TANC1: variants seen among roughly 807,000 people sequenced by gnomAD.
TANC1 encodes the protein protein TANC1.
Under a neutral mutation model 149.7 loss-of-function variants are expected in TANC1, and 77 were observed. The observed-to-expected ratio is 0.51, with a 90% CI of 0.43 to 0.62. The LOEUF is 0.62. Ranked by LOEUF, TANC1 falls within the 20% of genes least tolerant of loss-of-function variation. The pLI is 0.00. For synonymous variants in TANC1, 854 were observed against 925.0 expected, an observed-to-expected ratio of 0.92 and a Z score of 1.39; for missense variants, 1,985 against 2,321.8, an observed-to-expected ratio of 0.85 and a Z score of 2.98.
At chr2:159,010,458 A>G (rs970010500) in intron 2 of TANC1, among the ~76,000 whole-genome samples, 1 of 152,212 alleles carries the variant, frequency 6.6e-6, no homozygotes, top group South Asian at 2.1e-4. Context: ...TGCTGATTCT[A>G]GATGCATTAC....
intron 2 of TANC1, among the ~76,000 whole-genome samples, chr2:159,010,942 A>C (rs1163907175): frequency 6.6e-6 from 1 of 152,046 alleles, no homozygotes; most frequent in African/African-American, 2.4e-5. Flanking sequence ...TTGTCGCCCA[A>C]GCTGGGGTTG....
At chr2:159,099,765 C>A (rs1159246098) in intron 4 of TANC1, among the ~76,000 whole-genome samples, 2 of 151,818 alleles carry the variant, frequency 1.3e-5, no homozygotes, top group Non-Finnish European at 2.9e-5. Context: ...CTTCCTACCC[C>A]TGATGTTGCC....
chr2:159,128,203 C>G (rs1315304000), intron 4 of TANC1, among the ~76,000 whole-genome samples: 1 of 152,228 alleles, frequency 6.6e-6, no homozygotes, highest in African/African-American at 2.4e-5. Flanking sequence ...TCAAATCACA[C>G]TGATCTTTTG....
chr2:159,005,290 A>G (rs2037048914), intron 2 of TANC1, among the ~76,000 whole-genome samples: 3 of 152,150 alleles, frequency 2.0e-5, no homozygotes, highest in Admixed American at 1.3e-4. Context: ...GTTTTAGAGG[A>G]GGCTTGAATA....
At chr2:159,228,724 C>A in intron 25 of TANC1, 72 bp from the exon 26 acceptor site, 1 of 1,153,466 alleles carries the variant, frequency 8.7e-7, no homozygotes, top group Non-Finnish European at 1.3e-6. Flanking sequence ...CCCTTTAGAA[C>A]AAAACTAGAC....
chr2:159,219,945 C>A, intron 22 of TANC1, 78 bp downstream of exon 22: 1 of 1,409,570 alleles, frequency 7.1e-7, no homozygotes, highest in South Asian at 1.2e-5. Context: ...AATCCAGGGC[C>A]TGCATGAGGT....
At position 159,230,108 on chromosome 2, in the gene TANC1, C is replaced by G; in HGVS notation, c.4682C>G (p.Pro1561Arg). Residue 1561 changes from proline (P) to arginine (R), a missense_variant, in exon 27 of 27, where the codon CCT becomes CGT. Physicochemically the swap from Pro to Arg is moderately radical, Grantham distance 103 (BLOSUM62 -2). This residue lies in a region of TANC1 where 920 missense variants were observed against 994.7 expected (regional missense o/e 0.92). Coordinates refer to ENST00000263635, the MANE Select transcript of TANC1 (RefSeq NM_033394.3). This position sits in a 1 kb window ranked among gnomAD's most constrained non-coding sequence, Gnocchi z 4.4. Reference protein sequence around the residue: ...SMKVQISSQNPPPSPMPGRIA... With the variant: ...SMKVQISSQNRPPSPMPGRIA... ...AAAGTTCAGATCTCTTCTCAGAACCCTCCTCCAAGTCCCATGCCAGGGAGA... is the reference window on the plus strand; with the variant it reads ...AAAGTTCAGATCTCTTCTCAGAACCGTCCTCCAAGTCCCATGCCAGGGAGA... 2 of 1,614,008 alleles carry G rather than the reference C, an allele frequency of 1.2e-6. No homozygotes were observed. Among genetic ancestry groups the G allele is most frequent in the East Asian group, 4.5e-5 (2 of 44,862 alleles).
At chr2:159,195,809 G>T (rs925718080) in intron 17 of TANC1, among the ~76,000 whole-genome samples, 4 of 152,230 alleles carry the variant, frequency 2.6e-5, no homozygotes, top group African/African-American at 4.8e-5. Flanking sequence ...AAGCTCTGGA[G>T]TAGGAGGCTG....
At chr2:159,099,291 G>A (rs1045737286) in intron 4 of TANC1, among the ~76,000 whole-genome samples, 1 of 152,072 alleles carries the variant, frequency 6.6e-6, no homozygotes, top group Non-Finnish European at 1.5e-5. Flanking sequence ...TGGAATGTCC[G>A]TCCTTCCTTC....
chr2:158,981,544 A>ATATATATAT (rs1559096628), intron 1 of TANC1, among the ~76,000 whole-genome samples: 1 of 84,694 alleles, frequency 1.2e-5, no homozygotes, highest in Non-Finnish European at 2.6e-5. Flanking sequence ...TATATATATA[A>ATATATATAT]AGAAGTAACA....
At chr2:159,014,525 C>T (rs2038075318) in intron 2 of TANC1, among the ~76,000 whole-genome samples, 1 of 152,180 alleles carries the variant, frequency 6.6e-6, no homozygotes, top group Non-Finnish European at 1.5e-5. Flanking sequence ...CTCATGTCCT[C>T]ACATTTCAAA....
chr2:159,155,966 T>C (rs2053389859), intron 7 of TANC1, among the ~76,000 whole-genome samples: 1 of 152,188 alleles, frequency 6.6e-6, no homozygotes, highest in South Asian at 2.1e-4. Flanking sequence ...GCTTATAAAA[T>C]GAAAGTGATT....
intron 1 of TANC1, among the ~76,000 whole-genome samples, chr2:158,983,026 G>T (rs2149232212): frequency 6.6e-6 from 1 of 152,310 alleles, no homozygotes; most frequent in South Asian, 2.1e-4. Flanking sequence ...TGTTACAGAA[G>T]TCGAGATAAG....
intron 2 of TANC1, among the ~76,000 whole-genome samples, chr2:159,064,480 C>T (rs1486703859): frequency 2.0e-5 from 3 of 152,164 alleles, no homozygotes; most frequent in Non-Finnish European, 4.4e-5. Flanking sequence ...TTGCCCAAAG[C>T]TTTCATTGAT....
chr2:159,032,224 G>T (rs1251316729), intron 2 of TANC1, among the ~76,000 whole-genome samples: 1 of 152,182 alleles, frequency 6.6e-6, no homozygotes, highest in Non-Finnish European at 1.5e-5. Flanking sequence ...TGAGAATAAT[G>T]AATGGGAGAG....
At chr2:159,034,113 T>C (rs961611891) in intron 2 of TANC1, among the ~76,000 whole-genome samples, 4 of 152,198 alleles carry the variant, frequency 2.6e-5, no homozygotes, top group Admixed American at 2.0e-4. Context: ...GAGCTTTGAA[T>C]TGCTGCCTCT....
chr2:159,156,856 G>A (rs1232478671), intron 7 of TANC1, among the ~76,000 whole-genome samples: 1 of 152,210 alleles, frequency 6.6e-6, no homozygotes, highest in African/African-American at 2.4e-5. Flanking sequence ...GGGCAGTGTG[G>A]TGGGTCCCAT....
intron 4 of TANC1, among the ~76,000 whole-genome samples, chr2:159,124,322 C>T (rs554194141): frequency 2.0e-5 from 3 of 151,986 alleles, no homozygotes; most frequent in Non-Finnish European, 4.4e-5. Context: ...CCATCCTGGG[C>T]GACGGAACGA....
intron 2 of TANC1, among the ~76,000 whole-genome samples, chr2:159,009,954 T>C (rs2037597748): frequency 6.6e-6 from 1 of 152,090 alleles, no homozygotes; most frequent in South Asian, 2.1e-4. Context: ...ATTTCAGCAA[T>C]GATGGCATTC....
Sources: allele counts gnomAD v4.1 joint callset (sites outside exome capture counted in the v4.1 genomes callset), GRCh38; gene constraint gnomAD v4.1.1; regional missense constraint gnomAD v4.1.1; non-coding constraint Gnocchi (gnomAD v3.1); transcripts MANE v1.5; gene names NCBI Gene and HGNC (gene_info 2026-07-23, HGNC 2026-07-21).